Variants in PTPRD observed in about 807,000 individuals in gnomAD.
PTPRD encodes the protein receptor-type tyrosine-protein phosphatase delta.
A neutral mutation model predicts 214.5 loss-of-function variants in PTPRD; 34 were observed. That is an observed-to-expected ratio of 0.16 (90% CI 0.12 to 0.21). The LOEUF (loss-of-function observed/expected upper bound fraction) is 0.21. Ranked by LOEUF, PTPRD falls within the 10% of genes least tolerant of loss-of-function variation. The pLI is 1.00. For missense variants in PTPRD, 2,545 were observed against 2,398.7 expected, an observed-to-expected ratio of 1.06 and a Z score of -1.27; for synonymous variants, 1,128 against 845.7, an observed-to-expected ratio of 1.33 and a Z score of -5.79.
chr9:9,818,125 GAC>G (rs2049379244), intron 5 of PTPRD, among the ~76,000 whole-genome samples: 1 of 152,150 alleles, frequency 6.6e-6, no homozygotes, highest in South Asian at 2.1e-4. Context: ...GAGTATCACT[GAC>G]ATGGAGAATG....
At chr9:8,611,684 G>C (rs2095451338) in intron 14 of PTPRD, among the ~76,000 whole-genome samples, 2 of 150,242 alleles carry the variant, frequency 1.3e-5, no homozygotes, top group South Asian at 4.3e-4. Flanking sequence ...ACTCCAGCCT[G>C]AGTGACAGGG....
At chr9:8,872,352 C>T (rs1328331125) in intron 11 of PTPRD, among the ~76,000 whole-genome samples, 3 of 152,168 alleles carry the variant, frequency 2.0e-5, no homozygotes, top group Non-Finnish European at 4.4e-5. Context: ...ATCAAAAAGG[C>T]TCTGTCTTCA....
At chr9:10,260,288 C>T (rs1465618853) in intron 3 of PTPRD, among the ~76,000 whole-genome samples, 1 of 152,124 alleles carries the variant, frequency 6.6e-6, no homozygotes, top group Non-Finnish European at 1.5e-5. Context: ...CAGAACCTTA[C>T]CCGGCCCAAG....
At chr9:9,922,639 A>T (rs2082890434) in intron 5 of PTPRD, among the ~76,000 whole-genome samples, 2 of 152,102 alleles carry the variant, frequency 1.3e-5, no homozygotes, top group South Asian at 4.1e-4. Context: ...TATGTGTTGT[A>T]CTAAATCAAA....
chr9:9,358,953 C>G (rs1301453070), intron 9 of PTPRD, among the ~76,000 whole-genome samples: 7 of 151,298 alleles, frequency 4.6e-5, no homozygotes, highest in Non-Finnish European at 1.0e-4. Flanking sequence ...GGCAGGGCTT[C>G]TAAAAACAAT....
intron 2 of PTPRD, among the ~76,000 whole-genome samples, chr9:10,458,593 G>A (rs1488870063): frequency 6.6e-6 from 1 of 152,168 alleles, no homozygotes; most frequent in Non-Finnish European, 1.5e-5. Context: ...ATCATAATAA[G>A]TGGGGAGAAA....
intron 7 of PTPRD, among the ~76,000 whole-genome samples, chr9:9,638,718 C>G (rs1337868003): frequency 6.6e-6 from 1 of 152,202 alleles, no homozygotes; most frequent in East Asian, 1.9e-4. Flanking sequence ...TCTCTGGTAT[C>G]AACTTCTGTC....
intron 3 of PTPRD, among the ~76,000 whole-genome samples, chr9:10,235,319 T>C (rs988250575): frequency 6.6e-6 from 1 of 151,958 alleles, no homozygotes; most frequent in African/African-American, 2.4e-5. Flanking sequence ...TGTGAAATCA[T>C]GTAGGTATGC....
chr9:8,406,577 T>C (rs1352233126), intron 35 of PTPRD, among the ~76,000 whole-genome samples: 2 of 151,640 alleles, frequency 1.3e-5, no homozygotes, highest in Non-Finnish European at 2.9e-5. Flanking sequence ...TCGTCATCTT[T>C]GCATCTACAC....
chr9:9,369,723 C>G (rs1463859694), intron 9 of PTPRD, among the ~76,000 whole-genome samples: 1 of 152,124 alleles, frequency 6.6e-6, no homozygotes, highest in Non-Finnish European at 1.5e-5. Context: ...AGGTTTTCTT[C>G]TAGGATTTTT....
intron 3 of PTPRD, among the ~76,000 whole-genome samples, chr9:10,164,046 G>A (rs570881249): frequency 1.3e-5 from 2 of 151,468 alleles, no homozygotes; most frequent in African/African-American, 2.4e-5. Context: ...TGAAGCACAG[G>A]ATAGAAGAAT....
rs372318184 is a variant in PTPRD, at chr9:8,820,392, G to A, written c.-103-86446C>T. On this transcript the variant is annotated intron_variant, in intron 11 of 45. Coordinates refer to ENST00000381196, the MANE Select transcript of PTPRD (RefSeq NM_002839.4). ...GAAGAGAGTCTCTGCTCTCATAACA[G>A]CTTTTTATTGAAGAGAGTATATTTA... Among the ~76,000 whole-genome samples, 31 of 152,034 alleles carry A rather than the reference G, an allele frequency of 2.0e-4. No individual in the cohort carries two copies. The East Asian group carries it at 5.6e-3, about 28-fold the overall frequency.
intron 3 of PTPRD, among the ~76,000 whole-genome samples, chr9:10,126,841 G>A (rs994621057): frequency 1.3e-5 from 2 of 151,702 alleles, no homozygotes; most frequent in African/African-American, 4.8e-5. Flanking sequence ...CAAACAATGT[G>A]ATTCATAATG....
At chr9:9,291,536 G>GT (rs2134116500) in intron 9 of PTPRD, among the ~76,000 whole-genome samples, 1 of 151,280 alleles carries the variant, frequency 6.6e-6, no homozygotes, top group South Asian at 2.1e-4. Flanking sequence ...ATTTCCCAGT[G>GT]TTTTTTGAAA....
At chr9:10,360,822 G>A (rs2097366569) in intron 2 of PTPRD, among the ~76,000 whole-genome samples, 1 of 152,032 alleles carries the variant, frequency 6.6e-6, no homozygotes, top group African/African-American at 2.4e-5. Context: ...TGTCATTAAG[G>A]CCAGGCGCGG....
chr9:9,621,616 A>G (rs1348445840), intron 7 of PTPRD, among the ~76,000 whole-genome samples: 1 of 152,212 alleles, frequency 6.6e-6, no homozygotes, highest in East Asian at 1.9e-4. Flanking sequence ...CATAAATCCC[A>G]AATAGGCATT....
At chr9:9,834,222 C>G (rs543658829) in intron 5 of PTPRD, among the ~76,000 whole-genome samples, 1 of 152,166 alleles carries the variant, frequency 6.6e-6, no homozygotes, top group African/African-American at 2.4e-5. Context: ...TTTGGGGTCC[C>G]TGACTTCCCA....
chr9:8,820,571 A>G (rs1266221090), intron 11 of PTPRD, among the ~76,000 whole-genome samples: 3 of 152,210 alleles, frequency 2.0e-5, no homozygotes, highest in African/African-American at 7.2e-5. Flanking sequence ...GGTTAAGGAT[A>G]CATTTTTATG....
chr9:8,534,502 C>G lies in PTPRD; in HGVS notation c.353-5723G>C, dbSNP rs909428912. ...GAGTCATTCATATACTCTCACAGAA[C>G]AAGAGTGATTTCTTTTCTTTGACGG... On this transcript the variant is annotated intron_variant, in intron 14 of 45. Coordinates refer to ENST00000381196, the MANE Select transcript of PTPRD (RefSeq NM_002839.4). Among the ~76,000 whole-genome samples, 8 of 151,696 alleles carry G rather than the reference C, an allele frequency of 5.3e-5. No individual in the cohort carries two copies. In the East Asian group the frequency reaches 1.6e-3, roughly 29 times the overall value.
Sources: gnomAD v4.1 joint callset for allele counts (sites outside exome capture counted in the v4.1 genomes callset) on GRCh38, gnomAD v4.1.1 for gene constraint, MANE v1.5 for transcripts, NCBI Gene and HGNC (gene_info 2026-07-23, HGNC 2026-07-21) for gene names.